Variants in LRRC3B observed in about 807,000 individuals in gnomAD.
LRRC3B encodes the protein leucine rich repeat containing 3B.
In LRRC3B, 2 loss-of-function variants were observed where a neutral mutation model predicts 12.8. The observed-to-expected ratio is 0.16, with a 90% confidence interval of 0.06 to 0.49. LRRC3B has a LOEUF of 0.49. Ranked by LOEUF, LRRC3B falls within the 20% of genes least tolerant of loss-of-function variation. LRRC3B has a pLI of 0.96. For missense variants in LRRC3B, 189 were observed against 319.4 expected (o/e 0.59, Z 3.11); for synonymous variants, 132 against 122.0 (o/e 1.08, Z -0.54).
chr3:26,653,039 C>T (rs1699296895), intron 1 of LRRC3B, among the ~76,000 whole-genome samples: 2 of 151,656 alleles, frequency 1.3e-5, no homozygotes, highest in South Asian at 4.2e-4. Flanking sequence ...GACAGTGCCC[C>T]CTAGTAGATT....
chr3:26,636,908 CTCTTTCTCTCTT>C (rs1340637003), intron 1 of LRRC3B, among the ~76,000 whole-genome samples: 3 of 105,392 alleles, frequency 2.8e-5, no homozygotes, highest in Admixed American at 1.0e-4. Flanking sequence ...CTCTCTTTCT[CTCTTTCTCTCTT>C]TCTTTCTTTC....
At chr3:26,644,048 G>A (rs12496948) in intron 1 of LRRC3B, among the ~76,000 whole-genome samples, 43,999 of 151,942 alleles carry the variant, frequency 0.29, 6,742 homozygotes, top group South Asian at 0.4. Context: ...ATTATTTTTT[G>A]GTATTTACAT....
At chr3:26,654,578 G>C (rs987006346) in intron 1 of LRRC3B, among the ~76,000 whole-genome samples, 8 of 152,200 alleles carry the variant, frequency 5.3e-5, no homozygotes, top group Non-Finnish European at 7.3e-5. Context: ...TGGGGAGTAA[G>C]GAGGATGTTC....
Position 26,696,061 on chromosome 3 carries a change from A to G in LRRC3B, c.-160-13452A>G, listed in dbSNP as rs148515341. Among the ~76,000 whole-genome samples the G allele has an allele frequency of 3.3e-5, 5 of 152,368 alleles. No homozygotes were observed. The East Asian group carries it at 9.6e-4, about 29-fold the overall frequency. On this transcript the variant is annotated intron_variant, in intron 1 of 1. Transcript: ENST00000396641. Reference sequence around the variant, plus strand: ...GGAATAATTTTATTTCACATTATTTATGATAGCAAATCATGGGAGACAACC... The same window carrying G: ...GGAATAATTTTATTTCACATTATTTGTGATAGCAAATCATGGGAGACAACC...
At chr3:26,651,751 A>G (rs1699269177) in intron 1 of LRRC3B, among the ~76,000 whole-genome samples, 1 of 152,190 alleles carries the variant, frequency 6.6e-6, no homozygotes, top group Non-Finnish European at 1.5e-5. Flanking sequence ...TCCTAGCCTT[A>G]CAAATACAGT....
chr3:26,709,723 C>T (rs1463254178), exon 2 of LRRC3B: 2 of 1,613,982 alleles, frequency 1.2e-6, no homozygotes, highest in Non-Finnish European at 8.5e-7. Flanking sequence ...TGTGTCTCCT[C>T]CTACAAAGTT....
At chr3:26,699,928 C>G (rs1403536053) in intron 1 of LRRC3B, among the ~76,000 whole-genome samples, 1 of 152,060 alleles carries the variant, frequency 6.6e-6, no homozygotes, top group Non-Finnish European at 1.5e-5. Context: ...GGGATAAATG[C>G]TGGGTTCATA....
chr3:26,704,294 T>G (rs1467565915), intron 1 of LRRC3B, among the ~76,000 whole-genome samples: 2 of 152,152 alleles, frequency 1.3e-5, no homozygotes, highest in African/African-American at 4.8e-5. Context: ...AATTTTAAAT[T>G]TTTGATAGAT....
intron 1 of LRRC3B, among the ~76,000 whole-genome samples, chr3:26,688,620 G>A (rs1206669158): frequency 2.0e-5 from 3 of 152,114 alleles, no homozygotes; most frequent in African/African-American, 7.2e-5. Flanking sequence ...AGAGGGAGAT[G>A]CCACACACTT....
At position 26,705,018 on chromosome 3, in the gene LRRC3B, T is replaced by C. The variant is rs116349339; in HGVS notation, c.-160-4495T>C. 5.5e-3 allele frequency among the ~76,000 whole-genome samples: 834 copies of C among 152,310 alleles called. 5 individuals are homozygous for C. The highest frequency in any genetic ancestry group is 0.019 in the African/African-American group (796 of 41,558). On this transcript the variant is annotated intron_variant, in intron 1 of 1. Transcript: ENST00000396641. The stretch of plus-strand genomic sequence containing the variant: ...TATCTGGTATTTCTCTGTGAGTTGG[T>C]ACGCTCACTTATCTCAGAAGGGTTA...
intron 1 of LRRC3B, among the ~76,000 whole-genome samples, chr3:26,630,169 A>C (rs1410157287): frequency 6.6e-6 from 1 of 152,142 alleles, no homozygotes; most frequent in Non-Finnish European, 1.5e-5. Context: ...AGAGGAATGT[A>C]CTAAATAATA....
intron 1 of LRRC3B, among the ~76,000 whole-genome samples, chr3:26,677,608 T>C (rs1309478120): frequency 6.6e-6 from 1 of 152,232 alleles, no homozygotes; most frequent in Non-Finnish European, 1.5e-5. Flanking sequence ...GGCATAGACC[T>C]TCGAAGAATA....
intron 1 of LRRC3B, among the ~76,000 whole-genome samples, chr3:26,666,085 G>A (rs914849803): frequency 6.6e-6 from 1 of 151,874 alleles, no homozygotes; most frequent in Admixed American, 6.6e-5. Context: ...GTGAAGGAGA[G>A]AGAACCATGG....
chr3:26,648,382 A>G (rs1281757811), intron 1 of LRRC3B, among the ~76,000 whole-genome samples: 1 of 152,170 alleles, frequency 6.6e-6, no homozygotes, highest in Non-Finnish European at 1.5e-5. Flanking sequence ...ACAGTGCAGA[A>G]TAGTACTGTG....
intron 1 of LRRC3B, chr3:26,624,797 T>C (rs1475736921): frequency 2.6e-5 from 4 of 152,298 alleles, no homozygotes; most frequent in Non-Finnish European, 5.9e-5. Context: ...CTCCAGATGC[T>C]CTGGCGAATG....
At chr3:26,674,569 A>C (rs1205588502) in intron 1 of LRRC3B, among the ~76,000 whole-genome samples, 2 of 152,170 alleles carry the variant, frequency 1.3e-5, no homozygotes, top group Admixed American at 6.5e-5. Context: ...TCAATTCCTG[A>C]TGTTAAAATC....
intron 1 of LRRC3B, among the ~76,000 whole-genome samples, chr3:26,688,270 G>A (rs1463047898): frequency 6.6e-6 from 1 of 152,156 alleles, no homozygotes; most frequent in African/African-American, 2.4e-5. Flanking sequence ...AGAAGAGCAG[G>A]CACACATTTT....
At chr3:26,636,922 C>A (rs936617077) in intron 1 of LRRC3B, among the ~76,000 whole-genome samples, 2 of 61,418 alleles carry the variant, frequency 3.3e-5, no homozygotes, top group African/African-American at 1.1e-4. Flanking sequence ...TTCTCTCTTT[C>A]TTTCTTTCTT....
At chr3:26,710,197 C>T (rs772377248) in exon 2 of LRRC3B, 48 of 1,613,586 alleles carry the variant, frequency 3.0e-5, no homozygotes, top group Admixed American at 5.0e-5. Context: ...GTAAAACGTC[C>T]GTGTTGGATG....
Sources: gnomAD v4.1 joint callset for allele counts (sites outside exome capture counted in the v4.1 genomes callset) on GRCh38, gnomAD v4.1.1 for gene constraint, MANE v1.5 for transcripts, NCBI Gene and HGNC (gene_info 2026-07-23, HGNC 2026-07-21) for gene names.